Variants in DGCR2 observed in about 807,000 individuals in gnomAD.
The protein encoded by DGCR2 is DiGeorge syndrome critical region gene 2.
In DGCR2, 24 loss-of-function variants were observed where a neutral mutation model predicts 51.6. The observed-to-expected ratio is 0.47, with a 90% CI of 0.34 to 0.65. The LOEUF (loss-of-function observed/expected upper bound fraction) is 0.65. Among genes scored for constraint, DGCR2 ranks in the 30% least tolerant of loss-of-function variants. DGCR2 has a pLI of 0.01. For synonymous variants in DGCR2, 340 were observed against 315.4 expected, an observed-to-expected ratio of 1.08 and a Z score of -0.82; for missense variants, 765 against 772.1, an observed-to-expected ratio of 0.99 and a Z score of 0.11.
intron 1 of DGCR2, chr22:19,121,767 T>C: frequency 5.8e-6 from 1 of 172,628 alleles, no homozygotes; most frequent in Admixed American, 6.3e-5. Context: ...ACTAGGCCAC[T>C]GCTGGGAGGA....
chr22:19,038,699 G>T lies in DGCR2; in HGVS notation c.*166C>A. On this transcript the variant is annotated 3_prime_UTR_variant, in exon 10 of 10. Coordinates refer to ENST00000263196, the MANE Select transcript of DGCR2 (RefSeq NM_005137.3). The stretch of plus-strand genomic sequence containing the variant: ...CTCGGTGCAGGCCATCACTTCTTTT[G>T]GCAGAAGGCGGGCTGTGGTCTCTAT... The T allele has an allele frequency of 1.1e-6, 1 of 877,036 alleles. No individual in the cohort carries two copies. The allele number at this position is 877,036 out of a possible 1,614,324, so 54.3% of individuals were successfully genotyped here.
chr22:19,096,838 G>C (rs1354156193), intron 1 of DGCR2, among the ~76,000 whole-genome samples: 1 of 148,762 alleles, frequency 6.7e-6, no homozygotes, highest in Non-Finnish European at 1.5e-5. Flanking sequence ...CTACAGGCCT[G>C]AGCTACCCCG....
At chr22:19,084,037 G>C (rs1441823432) in intron 2 of DGCR2, among the ~76,000 whole-genome samples, 1 of 152,100 alleles carries the variant, frequency 6.6e-6, no homozygotes, top group African/African-American at 2.4e-5. Flanking sequence ...TGTTGCCCAG[G>C]CCGAAGTGCA....
Position 19,095,521 on chromosome 22 carries a change from C to A in DGCR2, c.80-6031G>T, listed in dbSNP as rs1478096780. ...CTGAAAATACAAAAAATTAGCCGGGCGTGGTGGCGGGCGCCTGTAGTCCCA... is the reference window on the plus strand; with the variant it reads ...CTGAAAATACAAAAAATTAGCCGGGAGTGGTGGCGGGCGCCTGTAGTCCCA... On this transcript the variant is annotated intron_variant, in intron 1 of 9. Coordinates refer to ENST00000263196, the MANE Select transcript of DGCR2 (RefSeq NM_005137.3). Among the ~76,000 whole-genome samples, 5 of 151,824 alleles carry A rather than the reference C, an allele frequency of 3.3e-5. No homozygotes were observed. The East Asian group carries it at 9.7e-4, about 29-fold the overall frequency.
chr22:19,088,789 A>G (rs1017284387), intron 2 of DGCR2, among the ~76,000 whole-genome samples: 27 of 152,206 alleles, frequency 1.8e-4, no homozygotes, highest in African/African-American at 5.5e-4. Context: ...ATTGTTATTC[A>G]TGGGGTGCCC....
At chr22:19,043,932 C>G (rs2082460653) in intron 7 of DGCR2, among the ~76,000 whole-genome samples, 1 of 152,210 alleles carries the variant, frequency 6.6e-6, no homozygotes, top group African/African-American at 2.4e-5. Context: ...CACCAATTAG[C>G]TGCTTTTCCT....
At chr22:19,105,496 C>T (rs966347407) in intron 1 of DGCR2, among the ~76,000 whole-genome samples, 1 of 152,120 alleles carries the variant, frequency 6.6e-6, no homozygotes, top group Non-Finnish European at 1.5e-5. Flanking sequence ...GCATCTGAGC[C>T]ACCAGGGGCC....
At chr22:19,061,147 G>T (rs564929870) in intron 5 of DGCR2, 1 of 235,262 alleles carries the variant, frequency 4.3e-6, no homozygotes, top group Non-Finnish European at 8.6e-6. Flanking sequence ...GGTATTTTTG[G>T]GGGGGCCAAC....
intron 2 of DGCR2, among the ~76,000 whole-genome samples, chr22:19,078,339 T>C (rs1372629649): frequency 1.3e-5 from 2 of 152,228 alleles, no homozygotes; most frequent in African/African-American, 4.8e-5. Context: ...TAAATGGAAT[T>C]ATTTTCTTAA....
intron 5 of DGCR2, chr22:19,060,967 T>C (rs1167728997): frequency 2.4e-6 from 1 of 412,660 alleles, no homozygotes; most frequent in Admixed American, 2.8e-5. Flanking sequence ...TGGAACATAT[T>C]ATACAACACA....
At chr22:19,041,756 G>T in intron 8 of DGCR2, 51 bp downstream of exon 8, 1 of 1,583,378 alleles carries the variant, frequency 6.3e-7, no homozygotes, top group South Asian at 1.2e-5. Flanking sequence ...GACATGGGGT[G>T]ACCTGGGGTG....
Position 19,038,897 on chromosome 22 carries a change from G to T in DGCR2, c.1621C>A (p.His541Asn), listed in dbSNP as rs2082400189. Residue 541 changes from histidine (H) to asparagine (N), a missense_variant, in exon 10 of 10, where the codon CAC (histidine) becomes AAC (asparagine). Around this residue, in one of 3 missense-constraint regions of DGCR2, gnomAD observed 205 missense variants for 181.4 expected, o/e 1.13. Coordinates refer to ENST00000263196, the MANE Select transcript of DGCR2 (RefSeq NM_005137.3). ...AAEALPGGGR[H>N]SRSSLNTVV ...ACAGTATTGAGGGAGCTGCGGCTGT[G>T]GCGGCCACCCCCTGGCAGTGCCTCT... 1 of 1,612,906 alleles carries T rather than the reference G, an allele frequency of 6.2e-7. No individual in the cohort carries two copies. Among genetic ancestry groups the T allele is most frequent in the East Asian group, 2.2e-5 (1 of 44,878 alleles).
intron 1 of DGCR2, among the ~76,000 whole-genome samples, chr22:19,104,868 C>G (rs1456644071): frequency 6.6e-6 from 1 of 152,084 alleles, no homozygotes; most frequent in African/African-American, 2.4e-5. Flanking sequence ...GGAGATTTGT[C>G]CAGCACACTT....
chr22:19,102,187 T>C (rs1389750382), intron 1 of DGCR2, among the ~76,000 whole-genome samples: 1 of 152,184 alleles, frequency 6.6e-6, no homozygotes, highest in Non-Finnish European at 1.5e-5. Flanking sequence ...GCAAATAGTA[T>C]ATGATTTCAC....
chr22:19,110,476 G>C (rs2083302714), intron 1 of DGCR2, among the ~76,000 whole-genome samples: 1 of 152,102 alleles, frequency 6.6e-6, no homozygotes, highest in African/African-American at 2.4e-5. Flanking sequence ...TGAAAAGGCG[G>C]GAGGAGAGCA....
At chr22:19,062,774 T>TTCTCTCTC (rs1569052709) in intron 5 of DGCR2, among the ~76,000 whole-genome samples, 7 of 113,982 alleles carry the variant, frequency 6.1e-5, no homozygotes, top group South Asian at 3.8e-4. Flanking sequence ...CACACATGCA[T>TTCTCTCTC]GCTCACTCTC....
chr22:19,064,726 G>A (rs1445671254), intron 4 of DGCR2, 122 bp downstream of exon 4: 2 of 922,760 alleles, frequency 2.2e-6, no homozygotes, highest in African/African-American at 1.6e-5. Context: ...GGGCGAGGCT[G>A]GTCTTCCCAA....
chr22:19,062,848 G>C (rs1056184031), intron 5 of DGCR2, among the ~76,000 whole-genome samples: 2 of 148,128 alleles, frequency 1.4e-5, no homozygotes, highest in African/African-American at 4.9e-5. Flanking sequence ...TTCTACGTCT[G>C]ACCTTTGTCC....
intron 6 of DGCR2, among the ~76,000 whole-genome samples, chr22:19,054,294 A>G (rs1231344433): frequency 6.6e-6 from 1 of 152,262 alleles, no homozygotes; most frequent in South Asian, 2.1e-4. Flanking sequence ...CAGAAGAAAC[A>G]TGTAGAGAAA....
Sources: gnomAD v4.1 joint callset for allele counts (sites outside exome capture counted in the v4.1 genomes callset) on GRCh38, gnomAD v4.1.1 for gene constraint, gnomAD v4.1.1 regional missense constraint, MANE v1.5 for transcripts, NCBI Gene and HGNC (gene_info 2026-07-23, HGNC 2026-07-21) for gene names.